The following THTPA variants were observed in gnomAD, a reference collection of about 807,000 sequenced individuals.
THTPA encodes thiamine-triphosphatase.
Under a neutral mutation model 16.5 loss-of-function variants are expected in THTPA, and 16 were observed. The ratio of observed to expected loss-of-function variants is 0.97; its 90% CI spans 0.66 to 1.47. The LOEUF is 1.47. Ranked by LOEUF, THTPA falls within the 40% of genes most tolerant of loss-of-function variation. The pLI, the probability that THTPA is intolerant of heterozygous loss-of-function variation, is 0.00. For missense variants in THTPA, 281 were observed against 280.9 expected, an observed-to-expected ratio of 1.00 and a Z score of 0.00; for synonymous variants, 110 against 115.5, an observed-to-expected ratio of 0.95 and a Z score of 0.30.
chr14:23,554,252 C>T (rs1356594695), upstream of THTPA, among the ~76,000 whole-genome samples: 5 of 151,992 alleles, frequency 3.3e-5, no homozygotes, highest in African/African-American at 9.7e-5. Flanking sequence ...TTAACAAAAC[C>T]GGAAAGCAAA....
At chr14:23,541,231 A>T in the THTPA span, among the ~76,000 whole-genome samples, 4 of 147,270 alleles carry the variant, frequency 2.7e-5, no homozygotes, top group South Asian at 6.4e-4. Context: ...CTTGACCAAG[A>T]CTCATCCTCT....
chr14:23,516,957 A>T, the THTPA span, among the ~76,000 whole-genome samples: 1 of 152,172 alleles, frequency 6.6e-6, no homozygotes, highest in Non-Finnish European at 1.5e-5. Flanking sequence ...ATATGTGTGC[A>T]GTTGGGTGGG....
chr14:23,534,047 G>A, the THTPA span: 1 of 1,534,126 alleles, frequency 6.5e-7, no homozygotes, highest in East Asian at 2.4e-5. This position sits in a 1 kb window ranked among gnomAD's most constrained non-coding sequence, Gnocchi z 4.5. Flanking sequence ...GCAGGGGCTG[G>A]GGTGTAGTCA....
chr14:23,530,348 A>C, the THTPA span: 1 of 707,140 alleles, frequency 1.4e-6, no homozygotes, highest in Non-Finnish European at 2.5e-6. Flanking sequence ...CAACAAAAAG[A>C]AACACCCACA....
chr14:23,552,248 C>T (rs1368382908), upstream of THTPA, among the ~76,000 whole-genome samples: 1 of 151,784 alleles, frequency 6.6e-6, no homozygotes, highest in Non-Finnish European at 1.5e-5. Context: ...GGTTCGGGCT[C>T]CTCCTCATCT....
chr14:23,525,146 C>T, the THTPA span: 4 of 1,536,048 alleles, frequency 2.6e-6, no homozygotes, highest in African/African-American at 2.7e-5. The surrounding 1 kb of genome is among the most constrained non-coding windows in gnomAD (Gnocchi z 5.9). Context: ...GAACTTGGTT[C>T]TGGAGAACCG....
At chr14:23,557,526 G>A (rs564051348) in intron 1 of THTPA, among the ~76,000 whole-genome samples, 4 of 152,194 alleles carry the variant, frequency 2.6e-5, no homozygotes, top group African/African-American at 7.2e-5. Flanking sequence ...GTGAGCCTCT[G>A]TGCCTGGCCT....
chr14:23,526,729 A>G, the THTPA span: 2 of 1,535,134 alleles, frequency 1.3e-6, no homozygotes, highest in Admixed American at 2.0e-5. Flanking sequence ...CGTTTAAGCC[A>G]GACCCCACCC....
chr14:23,532,455 T>C, the THTPA span: 2 of 1,320,048 alleles, frequency 1.5e-6, no homozygotes, highest in South Asian at 1.8e-5. Flanking sequence ...CATACTTTCC[T>C]TTTTCTCCAT....
chr14:23,522,316 C>T, the THTPA span: 1 of 1,525,490 alleles, frequency 6.6e-7, no homozygotes, highest in Non-Finnish European at 8.8e-7. Context: ...CCATCTTGCA[C>T]TGGCGGCACA....
the THTPA span, chr14:23,531,457 A>C: frequency 1.5e-6 from 2 of 1,369,412 alleles, no homozygotes; most frequent in South Asian, 3.5e-5. Flanking sequence ...CCCAGCTCTT[A>C]TTCTCCAGTC....
chr14:23,535,020 T>G, the THTPA span: 1 of 1,536,166 alleles, frequency 6.5e-7, no homozygotes, highest in Non-Finnish European at 8.7e-7. This position sits in a 1 kb window ranked among gnomAD's most constrained non-coding sequence, Gnocchi z 4.5. Context: ...GGAGCCCTTC[T>G]TCTTCCTCCT....
At chr14:23,557,835 G>A (rs1249408156) in intron 1 of THTPA, among the ~76,000 whole-genome samples, 1 of 152,114 alleles carries the variant, frequency 6.6e-6, no homozygotes, top group Non-Finnish European at 1.5e-5. Context: ...CCTCTGGGAG[G>A]CTCAGACCCA....
chr14:23,533,661 T>A, the THTPA span: 1 of 1,537,238 alleles, frequency 6.5e-7, no homozygotes, highest in Admixed American at 2.0e-5. The surrounding 1 kb of genome is among the most constrained non-coding windows in gnomAD (Gnocchi z 4.8). Context: ...CCGCGGAGGG[T>A]GGGAGTGATG....
chr14:23,546,975 T>A, the THTPA span, among the ~76,000 whole-genome samples: 3 of 152,238 alleles, frequency 2.0e-5, no homozygotes, highest in Non-Finnish European at 4.4e-5. This position sits in a 1 kb window ranked among gnomAD's most constrained non-coding sequence, Gnocchi z 4.7. Flanking sequence ...TTTGTAGATT[T>A]CTCAACCCAT....
the THTPA span, chr14:23,531,781 CTTTT>C: frequency 2.8e-6 from 3 of 1,079,286 alleles, no homozygotes; most frequent in Admixed American, 8.6e-5. Context: ...CCTCAGGGGA[CTTTT>C]TTTTTTTTTC....
Position 23,560,168 on chromosome 14 carries a change from TCA to T in THTPA, c.*1332_*1333del. 6.5e-7 allele frequency: 1 copy of T among 1,535,288 alleles called. No homozygotes were observed. Among genetic ancestry groups the T allele is most frequent in the Non-Finnish European group, 8.9e-7 (1 of 1,122,848 alleles). ...GATCTCCAGATGACTCAATCCCATC[TCA>T]CACTGTCTCCCACCCACCTCCTCCA... is the stretch of plus-strand genomic sequence containing the variant. On this transcript the variant is annotated 3_prime_UTR_variant, in exon 2 of 2. Transcript: ENST00000288014.
chr14:23,531,462 C>T, the THTPA span: 1 of 1,390,104 alleles, frequency 7.2e-7, no homozygotes, highest in Non-Finnish European at 9.4e-7. Flanking sequence ...CTCTTATTCT[C>T]CAGTCCCTTC....
Position 23,559,440 on chromosome 14 carries a change from G to GC in THTPA, c.*605dup. 1 of 366,844 alleles carries GC rather than the reference G, an allele frequency of 2.7e-6. No individual in the cohort carries two copies. Among genetic ancestry groups the GC allele is most frequent in the African/African-American group, 2.1e-5 (1 of 47,738 alleles). The allele number at this position is 366,844 out of a possible 1,614,324, so 22.7% of individuals were successfully genotyped here. On this transcript the variant is annotated 3_prime_UTR_variant, in exon 2 of 2. Transcript: ENST00000288014. ...AGAGGGTTAGAAAGAACCAACAGCTGCCCCCTCCCCGCCCCCGTGTTGAGA... is the reference window on the plus strand; with the variant it reads ...AGAGGGTTAGAAAGAACCAACAGCTGCCCCCCTCCCCGCCCCCGTGTTGAGA...
Sources: gnomAD v4.1 joint callset for allele counts (sites outside exome capture counted in the v4.1 genomes callset) on GRCh38, gnomAD v4.1.1 for gene constraint, Gnocchi (gnomAD v3.1) non-coding constraint, MANE v1.5 for transcripts, NCBI Gene and HGNC (gene_info 2026-07-23, HGNC 2026-07-21) for gene names.